The following CD47 variants were observed in gnomAD, a reference collection of about 807,000 sequenced individuals.
CD47 encodes the protein CD47 molecule.
CD47 carries 11 observed loss-of-function variants against 44.6 expected under a neutral mutation model. The ratio of observed to expected loss-of-function variants is 0.25; its 90% CI spans 0.16 to 0.41. CD47 has a LOEUF of 0.41. CD47 is among the 10% of genes least tolerant of loss of function. CD47 has a pLI of 1.00. For synonymous variants in CD47, 140 were observed against 136.3 expected (o/e 1.03, Z -0.19); for missense variants, 306 against 386.7 (o/e 0.79, Z 1.75).
chr3:108,085,892 A>G (rs1031886347), intron 1 of CD47, among the ~76,000 whole-genome samples: 2 of 152,158 alleles, frequency 1.3e-5, no homozygotes, highest in Non-Finnish European at 2.9e-5. Context: ...AGACTTGATT[A>G]TGAAATCATG....
Position 108,073,781 on chromosome 3 carries a change from T to A in CD47, c.401-2599A>T, listed in dbSNP as rs182213840. Among the ~76,000 whole-genome samples the A allele has an allele frequency of 2.0e-5, 3 of 152,224 alleles. No individual in the cohort carries two copies. The East Asian group carries it at 5.8e-4, about 29-fold the overall frequency. ...TCTTCTTTGGCAGCCACATGGAGAA[T>A]GGATTACAGGGAAGCAGGACCTGTC... On this transcript the variant is annotated intron_variant, in intron 2 of 10. Transcript: ENST00000361309.
chr3:108,054,590 G>A (rs548916905), intron 7 of CD47: 1 of 152,124 alleles, frequency 6.6e-6, no homozygotes, highest in African/African-American at 2.4e-5. Context: ...TTCCATATGA[G>A]CATACTTGCA....
At chr3:108,076,453 A>G (rs919681524) in intron 2 of CD47, among the ~76,000 whole-genome samples, 1 of 152,232 alleles carries the variant, frequency 6.6e-6, no homozygotes, top group Non-Finnish European at 1.5e-5. Flanking sequence ...ATTTGCATTC[A>G]GTATTTAGTT....
Position 108,048,626 on chromosome 3 carries a change from C to T in CD47, c.967+993G>A, listed in dbSNP as rs923714222. On this transcript the variant is annotated intron_variant, in intron 10 of 10. Transcript: ENST00000361309. ...GTCTCGATCTCCTGACCTTGTGATCCGCCCGCCTCGGCCTCCCAAAGTGCT... is the reference window on the plus strand; with the variant it reads ...GTCTCGATCTCCTGACCTTGTGATCTGCCCGCCTCGGCCTCCCAAAGTGCT... Among the ~76,000 whole-genome samples, 13 of 151,958 alleles carry T rather than the reference C, an allele frequency of 8.6e-5. No individual in the cohort carries two copies. In the East Asian group the frequency reaches 1.7e-3, roughly 20 times the overall value.
At chr3:108,050,784 C>A (rs536169779) in intron 8 of CD47, 182 bp from the exon 9 acceptor site, 4 of 477,102 alleles carry the variant, frequency 8.4e-6, no homozygotes, top group South Asian at 2.5e-5. Context: ...CTTGCCAAGT[C>A]GGGTTAATAG....
chr3:108,085,626 T>A (rs975395409), intron 1 of CD47, among the ~76,000 whole-genome samples: 1 of 152,178 alleles, frequency 6.6e-6, no homozygotes, highest in Admixed American at 6.5e-5. Context: ...TGTTCAAATG[T>A]TGTCACTGTA....
At chr3:108,073,664 T>C (rs1357603955) in intron 2 of CD47, among the ~76,000 whole-genome samples, 5 of 152,312 alleles carry the variant, frequency 3.3e-5, no homozygotes, top group South Asian at 2.1e-4. Context: ...TCTTAAAAGC[T>C]TGTTGGGAGA....
chr3:108,077,163 C>G (rs546946112), intron 2 of CD47, among the ~76,000 whole-genome samples: 23 of 152,246 alleles, frequency 1.5e-4, no homozygotes, highest in African/African-American at 5.1e-4. Flanking sequence ...CTCTATTGAG[C>G]AAATTCTGTT....
In CD47 at chr3:108,062,223, T is replaced by C. The variant is rs556694810; in HGVS notation, c.491-1371A>G. 2.6e-5 allele frequency among the ~76,000 whole-genome samples: 4 copies of C among 152,310 alleles called. No homozygotes were observed. In the South Asian group the frequency reaches 8.3e-4, roughly 32 times the overall value. ...TTGATTCATTACTTCCGCCCAGCCC[T>C]GGACTTATGTGTCTAATACTCAGTC... On this transcript the variant is annotated intron_variant, in intron 3 of 10. Coordinates refer to ENST00000361309, the MANE Select transcript of CD47 (RefSeq NM_001777.4).
At position 108,060,760 on chromosome 3, in the gene CD47, T is replaced by C; in HGVS notation, c.583A>G (p.Ile195Val). The C allele has an allele frequency of 1.2e-6, 2 of 1,612,648 alleles. No homozygotes were observed. The highest frequency in any genetic ancestry group is 1.7e-6 in the Non-Finnish European group (2 of 1,178,718). Residue 195 changes from isoleucine (I) to valine (V), a missense_variant, in exon 4 of 11, where the codon ATT becomes GTT. Ile to Val is a conservative substitution (Grantham distance 29). Transcript: ENST00000361309. The stretch of plus-strand genomic sequence containing the variant: ...CACATCTTACCTGGGACGAAAAGAA[T>C]GGCTCCAACAATGACAATGACAGTG... ...VITVIVIVGAILFVPGEYSLK... is the reference protein window; with the variant it reads ...VITVIVIVGAVLFVPGEYSLK...
At chr3:108,051,906 C>T in intron 8 of CD47, 33 bp downstream of exon 8, 1 of 1,478,898 alleles carries the variant, frequency 6.8e-7, no homozygotes, top group Non-Finnish European at 9.4e-7. Flanking sequence ...CTCAAATGAT[C>T]ATTCACAATT....
In CD47 at chr3:108,044,203, C is replaced by T. The variant is rs546187529; in HGVS notation, c.*3085G>A. 2.0e-5 allele frequency: 3 copies of T among 152,576 alleles called. No homozygotes were observed. Among genetic ancestry groups the T allele is most frequent in the African/African-American group, 7.2e-5 (3 of 41,536 alleles). 9.5% of individuals were successfully genotyped at this position (152,576 alleles called of 1,614,324 possible). Reference sequence around the variant, plus strand: ...TTTATTACTGAGATGGAGGAGTAAACTTATCGTGTTTTGAGCTTTGTTAGT... The same window carrying T: ...TTTATTACTGAGATGGAGGAGTAAATTTATCGTGTTTTGAGCTTTGTTAGT... On this transcript the variant is annotated 3_prime_UTR_variant, in exon 11 of 11. Transcript: ENST00000361309.
At chr3:108,067,347 C>T (rs968192616) in intron 3 of CD47, among the ~76,000 whole-genome samples, 3 of 152,104 alleles carry the variant, frequency 2.0e-5, no homozygotes, top group Admixed American at 6.5e-5. Context: ...CGGTTTTGTG[C>T]GAAGCCAGTA....
At chr3:108,070,623 AT>A (rs1449621988) in intron 3 of CD47, among the ~76,000 whole-genome samples, 1 of 152,200 alleles carries the variant, frequency 6.6e-6, no homozygotes, top group Non-Finnish European at 1.5e-5. Flanking sequence ...ATGACAAAAC[AT>A]AGTTCCGACT....
intron 7 of CD47, chr3:108,054,339 C>CT (rs778457325): frequency 1.8e-4 from 27 of 152,132 alleles, no homozygotes; most frequent in Non-Finnish European, 2.5e-4. Context: ...TCACAGTTGG[C>CT]TGGCCCATTC....
In CD47 at chr3:108,079,460, T is replaced by C. The variant is rs188688708; in HGVS notation, c.400+531A>G. On this transcript the variant is annotated intron_variant, in intron 2 of 10. Transcript: ENST00000361309. Reference sequence around the variant, plus strand: ...CCAAAGTAAGGCTAAGCACAGAAAATCTGAAGAAATCATCCATGATAACGT... The same window carrying C: ...CCAAAGTAAGGCTAAGCACAGAAAACCTGAAGAAATCATCCATGATAACGT... Among the ~76,000 whole-genome samples, 3 of 148,106 alleles carry C rather than the reference T, an allele frequency of 2.0e-5. No homozygotes were observed. The East Asian group carries it at 6.1e-4, about 30-fold the overall frequency.
intron 10 of CD47, among the ~76,000 whole-genome samples, chr3:108,049,167 C>T (rs1277170457): frequency 2.7e-5 from 4 of 145,680 alleles, no homozygotes; most frequent in Admixed American, 2.1e-4. Context: ...TAATCATCTC[C>T]CAAAAGGTTA....
intron 10 of CD47, among the ~76,000 whole-genome samples, chr3:108,048,078 A>G (rs1330210255): frequency 2.0e-5 from 3 of 152,074 alleles, no homozygotes; most frequent in Admixed American, 1.3e-4. Flanking sequence ...AAAAAATAGG[A>G]CATCAGAATG....
At chr3:108,073,182 T>C (rs1220272089) in intron 2 of CD47, among the ~76,000 whole-genome samples, 2 of 152,008 alleles carry the variant, frequency 1.3e-5, no homozygotes, top group African/African-American at 2.4e-5. Context: ...TCTGATCTCA[T>C]AGTCAAGATG....
Sources: gnomAD v4.1 joint callset for allele counts (sites outside exome capture counted in the v4.1 genomes callset) on GRCh38, gnomAD v4.1.1 for gene constraint, MANE v1.5 for transcripts, NCBI Gene and HGNC (gene_info 2026-07-23, HGNC 2026-07-21) for gene names.